The following ERO1B variants were observed in gnomAD, a reference collection of about 807,000 sequenced individuals.
The protein encoded by ERO1B is endoplasmic reticulum oxidoreductase 1 beta, also known as ERO1-like protein beta.
ERO1B carries 49 observed loss-of-function variants against 75.3 expected under a neutral mutation model. That is an observed-to-expected ratio of 0.65 (90% CI 0.52 to 0.83). ERO1B has a LOEUF of 0.83. Among genes scored for constraint, ERO1B ranks in the 40% least tolerant of loss-of-function variants. The pLI, the probability that ERO1B is intolerant of heterozygous loss-of-function variation, is 0.00. For missense variants in ERO1B, 512 were observed against 560.1 expected (o/e 0.91, Z 0.87); for synonymous variants, 191 against 192.9 (o/e 0.99, Z 0.08).
intron 2 of ERO1B, among the ~76,000 whole-genome samples, chr1:236,254,338 T>A (rs895791385): frequency 6.6e-6 from 1 of 152,208 alleles, no homozygotes; most frequent in Non-Finnish European, 1.5e-5. Context: ...ACCTACCTCT[T>A]GCCTACACTA....
rs529879426 is a variant in ERO1B at position 236,265,936 on chromosome 1, C to T, written c.222+3939G>A. Among the ~76,000 whole-genome samples, 3 of 152,314 alleles carry T rather than the reference C, an allele frequency of 2.0e-5. No individual in the cohort carries two copies. The South Asian group carries it at 6.2e-4, about 32-fold the overall frequency. ...CTCAAATGTTACATTAGCATAAATACCTTATTTTCCCAAATACTTTCTCTA... is the reference window on the plus strand; with the variant it reads ...CTCAAATGTTACATTAGCATAAATATCTTATTTTCCCAAATACTTTCTCTA... On this transcript the variant is annotated intron_variant, in intron 2 of 15. Transcript: ENST00000354619.
At chr1:236,251,555 CG>C (rs1665030619) in intron 4 of ERO1B, 2 of 648,156 alleles carry the variant, frequency 3.1e-6, no homozygotes, top group South Asian at 1.4e-4. Flanking sequence ...ATTATGGATG[CG>C]CAGTAGTGAA....
chr1:236,238,165 A>G (rs1324266269), intron 6 of ERO1B, among the ~76,000 whole-genome samples: 2 of 152,194 alleles, frequency 1.3e-5, no homozygotes, highest in African/African-American at 4.8e-5. Flanking sequence ...TATATAACTT[A>G]GACAATGGAA....
chr1:236,216,973 C>T lies in ERO1B; in HGVS notation c.*1543G>A, dbSNP rs1477733754. On this transcript the variant is annotated 3_prime_UTR_variant, in exon 16 of 16. Coordinates refer to ENST00000354619, the MANE Select transcript of ERO1B (RefSeq NM_019891.4). ...TACTACCACCATCAACAACAAAACC[C>T]CAAGTTTATAAAGGTTTGAAATTAG... 1.3e-5 allele frequency: 2 copies of T among 151,628 alleles called. No homozygotes were observed. The highest frequency in any genetic ancestry group is 4.8e-5 in the African/African-American group (2 of 41,266). 9.4% of individuals were successfully genotyped at this position (151,628 alleles called of 1,614,324 possible).
At chr1:236,260,939 G>C (rs2695072) in intron 2 of ERO1B, among the ~76,000 whole-genome samples, 48,058 of 151,700 alleles carry the variant, frequency 0.32, 8,244 homozygotes, top group East Asian at 0.77. Flanking sequence ...CCAAATCCAA[G>C]AGCATAGTAA....
intron 6 of ERO1B, among the ~76,000 whole-genome samples, chr1:236,237,123 T>TC (rs2102946475): frequency 6.8e-6 from 1 of 147,390 alleles, no homozygotes; most frequent in East Asian, 2.0e-4. Context: ...GGACTTTTTT[T>TC]TTTTTTTTTT....
chr1:236,268,324 C>T (rs945767609), intron 2 of ERO1B, among the ~76,000 whole-genome samples: 5 of 152,072 alleles, frequency 3.3e-5, no homozygotes, highest in African/African-American at 1.2e-4. Flanking sequence ...CCTGTAATCC[C>T]AGCTACTCGG....
At chr1:236,251,254 T>G (rs1345622629) in intron 4 of ERO1B, among the ~76,000 whole-genome samples, 1 of 152,076 alleles carries the variant, frequency 6.6e-6, no homozygotes, top group African/African-American at 2.4e-5. Context: ...TACTTGTGGA[T>G]ACACATGCAA....
At chr1:236,269,748 C>T (rs1665548041) in intron 2 of ERO1B, 127 bp downstream of exon 2, 3 of 697,708 alleles carry the variant, frequency 4.3e-6, no homozygotes, top group Non-Finnish European at 2.4e-6. Flanking sequence ...CACTGCAATA[C>T]ATAATAAATT....
intron 6 of ERO1B, among the ~76,000 whole-genome samples, chr1:236,239,324 T>A (rs187590311): frequency 8.6e-4 from 131 of 152,324 alleles, no homozygotes; most frequent in Admixed American, 1.4e-3. Context: ...CCATGTTCAT[T>A]TGTTTACATA....
At chr1:236,277,066 T>C (rs528271825) in intron 1 of ERO1B, among the ~76,000 whole-genome samples, 2 of 152,246 alleles carry the variant, frequency 1.3e-5, no homozygotes, top group African/African-American at 4.8e-5. Flanking sequence ...AAATCTCTTT[T>C]CTTTAAAAAT....
At chr1:236,235,182 A>T (rs1664510536) in intron 8 of ERO1B, among the ~76,000 whole-genome samples, 1 of 152,234 alleles carries the variant, frequency 6.6e-6, no homozygotes, top group Non-Finnish European at 1.5e-5. Context: ...GAGCACTGCT[A>T]AAGTTTCTAA....
chr1:236,281,381 C>A (rs1665824954), intron 1 of ERO1B: 3 of 252,608 alleles, frequency 1.2e-5, no homozygotes, highest in African/African-American at 6.7e-5. Flanking sequence ...TCCCGCCACA[C>A]TCCCAGCCGC....
intron 6 of ERO1B, among the ~76,000 whole-genome samples, chr1:236,239,911 A>ATATTT (rs1553371310): frequency 9.3e-6 from 1 of 106,964 alleles, no homozygotes; most frequent in African/African-American, 4.1e-5. Context: ...ATATATATAT[A>ATATTT]TTTTTTTTTT....
chr1:236,272,876 T>TTATTA (rs1264459829), intron 1 of ERO1B, among the ~76,000 whole-genome samples: 1 of 152,170 alleles, frequency 6.6e-6, no homozygotes. Context: ...TGTTAACACG[T>TTATTA]TATTATGGCA....
chr1:236,274,203 CAA>C (rs1053031852), intron 1 of ERO1B, among the ~76,000 whole-genome samples: 6 of 152,084 alleles, frequency 3.9e-5, no homozygotes, highest in Non-Finnish European at 2.9e-5. Context: ...AGGCTGGTCT[CAA>C]ACTCCTGGCC....
intron 6 of ERO1B, among the ~76,000 whole-genome samples, chr1:236,241,541 TCAAAACAAAA>T (rs879484229): frequency 7.4e-6 from 1 of 135,598 alleles, no homozygotes; most frequent in Admixed American, 7.6e-5. Context: ...AGACTCCATC[TCAAAACAAAA>T]CAAAACAAAT....
chr1:236,226,133 T>C (rs1382042493), intron 12 of ERO1B, 136 bp downstream of exon 12: 1 of 829,044 alleles, frequency 1.2e-6, no homozygotes, highest in African/African-American at 1.7e-5. Context: ...AATTCTGTTG[T>C]TCTATTGATC....
chr1:236,240,568 A>G (rs1664675177), intron 6 of ERO1B, among the ~76,000 whole-genome samples: 1 of 152,242 alleles, frequency 6.6e-6, no homozygotes, highest in South Asian at 2.1e-4. Context: ...TACTGTTTTA[A>G]ACATTAAATT....
Sources: allele counts gnomAD v4.1 joint callset (sites outside exome capture counted in the v4.1 genomes callset), GRCh38; gene constraint gnomAD v4.1.1; transcripts MANE v1.5; gene names NCBI Gene and HGNC (gene_info 2026-07-23, HGNC 2026-07-21).